Variants in SYNDIG1 observed in about 807,000 individuals in gnomAD.
SYNDIG1 encodes the protein synapse differentiation inducing 1.
A neutral mutation model predicts 19.4 loss-of-function variants in SYNDIG1; 9 were observed. The observed-to-expected ratio is 0.46, with a 90% confidence interval of 0.28 to 0.81. SYNDIG1 has a LOEUF of 0.81. Among genes scored for constraint, SYNDIG1 ranks in the 30% least tolerant of loss-of-function variants. The pLI, the probability that SYNDIG1 is intolerant of heterozygous loss-of-function variation, is 0.12. For synonymous variants in SYNDIG1, 141 were observed against 145.9 expected, an observed-to-expected ratio of 0.97 and a Z score of 0.24; for missense variants, 311 against 343.3, an observed-to-expected ratio of 0.91 and a Z score of 0.74.
chr20:24,498,600 A>G (rs182570895), intron 1 of SYNDIG1, among the ~76,000 whole-genome samples: 65 of 152,262 alleles, frequency 4.3e-4, no homozygotes, highest in African/African-American at 1.6e-3. Context: ...TCATATATGT[A>G]GATGTGTCCT....
chr20:24,663,309 G>A (rs1000339318), intron 3 of SYNDIG1, among the ~76,000 whole-genome samples: 1 of 152,076 alleles, frequency 6.6e-6, no homozygotes, highest in Non-Finnish European at 1.5e-5. Flanking sequence ...CATATAAACC[G>A]GCGTATCAAG....
chr20:24,632,143 G>A (rs1211304852), intron 3 of SYNDIG1, among the ~76,000 whole-genome samples: 5 of 152,212 alleles, frequency 3.3e-5, no homozygotes, highest in Non-Finnish European at 5.9e-5. Context: ...GGCCCAGGGC[G>A]GTGTCAGGAG....
At chr20:24,473,707 A>G (rs1413898935) in intron 1 of SYNDIG1, among the ~76,000 whole-genome samples, 1 of 152,176 alleles carries the variant, frequency 6.6e-6, no homozygotes. Context: ...CCATGAGCAG[A>G]CATAGGCTCC....
chr20:24,547,444 C>T lies in SYNDIG1; in HGVS notation c.480+3867C>T, dbSNP rs550915759. On this transcript the variant is annotated intron_variant, in intron 2 of 3. Transcript: ENST00000376862. ...CAACTATTCGGCAAGTGTTTATGAT[C>T]TGTCCTGCTCCACCTTAAGTCGCCA... is the stretch of plus-strand genomic sequence containing the variant. 3.9e-5 allele frequency among the ~76,000 whole-genome samples: 6 copies of T among 152,314 alleles called. No homozygotes were observed. In the East Asian group the frequency reaches 9.7e-4, roughly 25 times the overall value.
chr20:24,554,757 A>G (rs1216456019), intron 2 of SYNDIG1, among the ~76,000 whole-genome samples: 1 of 151,230 alleles, frequency 6.6e-6, no homozygotes, highest in African/African-American at 2.4e-5. Flanking sequence ...ATATTGGTCT[A>G]AAATTCTCTT....
intron 3 of SYNDIG1, among the ~76,000 whole-genome samples, chr20:24,609,343 T>A (rs906653737): frequency 6.6e-6 from 1 of 152,230 alleles, no homozygotes; most frequent in African/African-American, 2.4e-5. Flanking sequence ...TGCTCTTTGC[T>A]TTTCTTTTTC....
intron 3 of SYNDIG1, among the ~76,000 whole-genome samples, chr20:24,611,397 G>A (rs1568683721): frequency 1.3e-5 from 2 of 152,188 alleles, no homozygotes; most frequent in South Asian, 2.1e-4. Context: ...TGTCCCCAGC[G>A]AAGACTTCAG....
intron 3 of SYNDIG1, among the ~76,000 whole-genome samples, chr20:24,640,473 A>AGAAGGAAGGAAGGAAGGAAGGAAG (rs201004570): frequency 5.0e-5 from 5 of 100,498 alleles, no homozygotes; most frequent in African/African-American, 2.1e-4. Flanking sequence ...AGGGAGGGAA[A>AGAAGGAAGGAAGGAAGGAAGGAAG]GAAGGAAGGA....
chr20:24,560,063 C>CTTTTTTTTTTTTTTT lies in SYNDIG1; in HGVS notation c.480+16500_480+16514dup, dbSNP rs60892856. On this transcript the variant is annotated intron_variant, in intron 2 of 3. Coordinates refer to ENST00000376862, the MANE Select transcript of SYNDIG1 (RefSeq NM_024893.3). ...TTTTTTTTAACATTTCTCTCCTCTCCTTTTTTTTTTTTTTTTTTTTTTTTT... is the reference window on the plus strand; with the variant it reads ...TTTTTTTTAACATTTCTCTCCTCTCCTTTTTTTTTTTTTTTTTTTTTTTTTTTTTTTTTTTTTTTT... Among the ~76,000 whole-genome samples the CTTTTTTTTTTTTTTT allele has an allele frequency of 2.6e-4, 11 of 43,048 alleles. 4 individuals carry two copies. The highest frequency in any genetic ancestry group is 1.3e-3 in the African/African-American group (9 of 6,694). The allele number at this position is 43,048 out of a possible 152,430, so 28.2% of individuals were successfully genotyped here. A position where few individuals can be genotyped will look rare whatever the true frequency, so the allele number is the denominator to read the frequency against.
At chr20:24,555,021 G>A (rs2057784632) in intron 2 of SYNDIG1, among the ~76,000 whole-genome samples, 2 of 152,260 alleles carry the variant, frequency 1.3e-5, no homozygotes, top group South Asian at 4.2e-4. Flanking sequence ...CTTCTTCCTG[G>A]TTTAGTCTTG....
chr20:24,618,218 G>A (rs1305660435), intron 3 of SYNDIG1, among the ~76,000 whole-genome samples: 1 of 146,634 alleles, frequency 6.8e-6, no homozygotes, highest in African/African-American at 2.5e-5. Context: ...AGAGCCCGGG[G>A]AAGGGAGAGA....
chr20:24,603,350 G>A (rs1172143358), intron 3 of SYNDIG1, among the ~76,000 whole-genome samples: 1 of 152,110 alleles, frequency 6.6e-6, no homozygotes, highest in Non-Finnish European at 1.5e-5. Context: ...GGGGACTTCT[G>A]GGGAGAGCTT....
intron 1 of SYNDIG1, among the ~76,000 whole-genome samples, chr20:24,483,095 C>T (rs926060384): frequency 1.3e-5 from 2 of 152,224 alleles, no homozygotes; most frequent in Non-Finnish European, 2.9e-5. Context: ...TTCGGCTACA[C>T]GTTCACATTC....
At chr20:24,539,924 G>A (rs529544870) in intron 1 of SYNDIG1, among the ~76,000 whole-genome samples, 78 of 152,016 alleles carry the variant, frequency 5.1e-4, no homozygotes, top group African/African-American at 1.9e-3. Flanking sequence ...GATTACAGGC[G>A]CCCACCACCA....
chr20:24,652,844 G>A (rs1306328200), intron 3 of SYNDIG1, among the ~76,000 whole-genome samples: 1 of 152,196 alleles, frequency 6.6e-6, no homozygotes, highest in Non-Finnish European at 1.5e-5. Flanking sequence ...GCTCCTGGAG[G>A]GGAGCCCCTG....
At chr20:24,576,624 C>T (rs967492412) in intron 2 of SYNDIG1, among the ~76,000 whole-genome samples, 2 of 152,132 alleles carry the variant, frequency 1.3e-5, no homozygotes, top group African/African-American at 2.4e-5. Context: ...TTGGCGCTGA[C>T]GGGAAGGGAG....
intron 3 of SYNDIG1, among the ~76,000 whole-genome samples, chr20:24,630,536 C>A (rs2059224167): frequency 6.6e-6 from 1 of 152,196 alleles, no homozygotes; most frequent in South Asian, 2.1e-4. Flanking sequence ...AGAGAAACAG[C>A]CAGAGAGTCT....
Position 24,665,829 on chromosome 20 carries a change from G to T in SYNDIG1, c.*325G>T. Reference sequence around the variant, plus strand: ...GCCTGCCAGTGCCCAGAGTGCCACCGCATTAGCAATATACAAACAGTCCAA... The same window carrying T: ...GCCTGCCAGTGCCCAGAGTGCCACCTCATTAGCAATATACAAACAGTCCAA... On this transcript the variant is annotated 3_prime_UTR_variant, in exon 4 of 4. Transcript: ENST00000376862. 2.7e-6 allele frequency: 1 copy of T among 366,692 alleles called. No individual in the cohort carries two copies. Among genetic ancestry groups the T allele is most frequent in the Non-Finnish European group, 4.9e-6 (1 of 205,302 alleles). The allele number at this position is 366,692 out of a possible 1,614,324, so 22.7% of individuals were successfully genotyped here.
At chr20:24,563,530 T>C (rs1001701699) in intron 2 of SYNDIG1, among the ~76,000 whole-genome samples, 1 of 152,198 alleles carries the variant, frequency 6.6e-6, no homozygotes, top group African/African-American at 2.4e-5. Context: ...GACCAGCTCC[T>C]CATCCTTATC....
Sources: allele counts gnomAD v4.1 joint callset (sites outside exome capture counted in the v4.1 genomes callset), GRCh38; gene constraint gnomAD v4.1.1; transcripts MANE v1.5; gene names NCBI Gene and HGNC (gene_info 2026-07-23, HGNC 2026-07-21).